ZNF207: variants seen among roughly 807,000 people sequenced by gnomAD.
The protein encoded by ZNF207 is zinc finger protein 207.
Under a neutral mutation model 60.2 loss-of-function variants are expected in ZNF207, and 24 were observed. That is an observed-to-expected ratio of 0.40 (90% confidence interval 0.29 to 0.56). The LOEUF (loss-of-function observed/expected upper bound fraction) is 0.56, where lower values mean the gene tolerates loss of function less well. Among genes scored for constraint, ZNF207 ranks in the 20% least tolerant of loss-of-function variants. The probability of loss-of-function intolerance (pLI) is 0.49; values close to 1 mark genes in which losing one functional copy is unlikely to be tolerated. For missense variants in ZNF207, 452 were observed against 636.6 expected (o/e 0.71, Z 3.12); for synonymous variants, 236 against 194.7 (o/e 1.21, Z -1.77).
chr17:32,367,213 T>C (rs1241900459), intron 9 of ZNF207, among the ~76,000 whole-genome samples: 1 of 136,870 alleles, frequency 7.3e-6, no homozygotes, highest in Non-Finnish European at 1.6e-5. Flanking sequence ...ATGATAATTA[T>C]CCAGCCATTG....
Position 32,371,335 on chromosome 17 carries a change from T to G in ZNF207, c.*1576T>G, listed in dbSNP as rs1905454742. 1 of 152,218 alleles carries G rather than the reference T, an allele frequency of 6.6e-6. No homozygotes were observed. The highest frequency in any genetic ancestry group is 2.4e-5 in the African/African-American group (1 of 41,444). 9.4% of individuals were successfully genotyped at this position (152,218 alleles called of 1,614,324 possible). ...GTTGTATGGAAAAAAGGGCTTTAACTTTGAAGGAAAATATATTGAAAAGTG... is the reference window on the plus strand; with the variant it reads ...GTTGTATGGAAAAAAGGGCTTTAACGTTGAAGGAAAATATATTGAAAAGTG... On this transcript the variant is annotated 3_prime_UTR_variant, in exon 12 of 12. Transcript: ENST00000394670.
At chr17:32,357,786 C>G (rs1171154047) in intron 2 of ZNF207, among the ~76,000 whole-genome samples, 1 of 152,038 alleles carries the variant, frequency 6.6e-6, no homozygotes, top group Non-Finnish European at 1.5e-5. Flanking sequence ...TGGGTGTGCA[C>G]CACCACGCCC....
rs951143978 is a variant in ZNF207 at position 32,381,797 on chromosome 17, G to A, written c.*12038G>A. On this transcript the variant is annotated 3_prime_UTR_variant, in exon 12 of 12. Transcript: ENST00000394670. Reference sequence around the variant, plus strand: ...CTTCTGCGTTATTAAGAGCCTCTTTGTTTGGAGGAGATGGTTATCTCCTTC... The same window carrying A: ...CTTCTGCGTTATTAAGAGCCTCTTTATTTGGAGGAGATGGTTATCTCCTTC... 1.4e-4 allele frequency: 21 copies of A among 152,278 alleles called. No individual in the cohort carries two copies. The highest frequency in any genetic ancestry group is 4.8e-4 in the African/African-American group (20 of 41,550). The allele number at this position is 152,278 out of a possible 1,614,324, so 9.4% of individuals were successfully genotyped here. A position where few individuals can be genotyped will look rare whatever the true frequency, so the allele number is the denominator to read the frequency against.
intron 2 of ZNF207, among the ~76,000 whole-genome samples, chr17:32,353,575 G>A (rs1162454180): frequency 1.3e-5 from 2 of 150,828 alleles, no homozygotes; most frequent in African/African-American, 2.4e-5. Context: ...TGAGGTCAGG[G>A]TTTCAAGACC....
Position 32,379,027 on chromosome 17 carries a change from T to A in ZNF207, c.*9268T>A, listed in dbSNP as rs1385970820. On this transcript the variant is annotated 3_prime_UTR_variant, in exon 12 of 12. Coordinates refer to ENST00000394670, the MANE Select transcript of ZNF207 (RefSeq NM_001098507.2). ...TGGAAATTGTGCATATTGCTAAATT[T>A]TAAAACATGGATTTATCAACTGATA... 6.6e-6 allele frequency: 1 copy of A among 152,130 alleles called. No homozygotes were observed. Among genetic ancestry groups the A allele is most frequent in the Non-Finnish European group, 1.5e-5 (1 of 67,944 alleles). 9.4% of individuals were successfully genotyped at this position (152,130 alleles called of 1,614,324 possible). A position where few individuals can be genotyped will look rare whatever the true frequency, so the allele number is the denominator to read the frequency against.
At chr17:32,358,421 A>T (rs1904672290) in intron 2 of ZNF207, 82 bp from the exon 3 acceptor site, 3 of 1,378,524 alleles carry the variant, frequency 2.2e-6, no homozygotes, top group Admixed American at 3.0e-5. Flanking sequence ...TAGAACATTT[A>T]TTCTTTATAC....
Position 32,358,574 on chromosome 17 carries a change from T to C in ZNF207, c.240T>C (p.Tyr80=). The C allele has an allele frequency of 1.9e-6, 3 of 1,564,154 alleles. No homozygotes were observed. Among genetic ancestry groups the C allele is most frequent in the Middle Eastern group, 1.7e-4 (1 of 5,954 alleles). Residue 80 remains tyrosine (Y), a synonymous_variant, in exon 3 of 12, where the codon TAT becomes TAC. Coordinates refer to ENST00000394670, the MANE Select transcript of ZNF207 (RefSeq NM_001098507.2). Reference sequence around the variant, plus strand: ...GAACAGACATAGAGTTGGAAATATATGGTATGGAAGGTATTCCAGAAAAAG... The same window carrying C: ...GAACAGACATAGAGTTGGAAATATACGGTATGGAAGGTATTCCAGAAAAAG... ...PGRTDIELEI[Y]GMEGIPEKDM...
rs1905245956 is a variant in ZNF207 at position 32,367,286 on chromosome 17, A to ATATAT, written c.922-486_922-485insTATAT. On this transcript the variant is annotated intron_variant, in intron 9 of 11. Transcript: ENST00000394670. ...ATATATATATATATATATATATATA[A>ATATAT]AGAATACTACTAAAGGATGTATTTT... is the stretch of plus-strand genomic sequence containing the variant. Among the ~76,000 whole-genome samples, 26 of 43,338 alleles carry ATATAT rather than the reference A, an allele frequency of 6.0e-4. 1 individual carries two copies. Among genetic ancestry groups the ATATAT allele is most frequent in the African/African-American group, 1.0e-3 (19 of 18,390 alleles). The allele number at this position is 43,338 out of a possible 152,430, so 28.4% of individuals were successfully genotyped here. A position where few individuals can be genotyped will look rare whatever the true frequency, so the allele number is the denominator to read the frequency against.
Position 32,380,626 on chromosome 17 carries a change from G to C in ZNF207, c.*10867G>C, listed in dbSNP as rs997939291. ...TTGTGCTCTTTCTGGAATATTAGAG[G>C]AATCAGTTAATAATAGTAAAGTGGT... On this transcript the variant is annotated 3_prime_UTR_variant, in exon 12 of 12. Coordinates refer to ENST00000394670, the MANE Select transcript of ZNF207 (RefSeq NM_001098507.2). 3.9e-5 allele frequency: 6 copies of C among 152,200 alleles called. No individual in the cohort carries two copies. The highest frequency in any genetic ancestry group is 1.2e-4 in the African/African-American group (5 of 41,450). 9.4% of individuals were successfully genotyped at this position (152,200 alleles called of 1,614,324 possible).
chr17:32,358,306 A>G (rs530669217), intron 2 of ZNF207, among the ~76,000 whole-genome samples, 197 bp from the exon 3 acceptor site: 2 of 152,226 alleles, frequency 1.3e-5, no homozygotes, highest in Non-Finnish European at 2.9e-5. Flanking sequence ...GAAGTTAGCT[A>G]TTATATAGGT....
At chr17:32,351,336 T>C in intron 1 of ZNF207, 4 of 610,414 alleles carry the variant, frequency 6.6e-6, no homozygotes, top group Non-Finnish European at 9.1e-6. Flanking sequence ...GTTCACCATA[T>C]AGTTACTCTT....
In ZNF207 at chr17:32,371,465, T is replaced by G. The variant is rs1438127446; in HGVS notation, c.*1706T>G. Reference sequence around the variant, plus strand: ...AAGCTGAATGCTATTTTAACTCACATTGGCTGGGTGCAGTGGCTCACGCCT... The same window carrying G: ...AAGCTGAATGCTATTTTAACTCACAGTGGCTGGGTGCAGTGGCTCACGCCT... On this transcript the variant is annotated 3_prime_UTR_variant, in exon 12 of 12. Transcript: ENST00000394670. 9.4e-6 allele frequency: 1 copy of G among 105,940 alleles called. No individual in the cohort carries two copies. The allele number at this position is 105,940 out of a possible 1,614,324, so 6.6% of individuals were successfully genotyped here. A position where few individuals can be genotyped will look rare whatever the true frequency, so the allele number is the denominator to read the frequency against.
intron 2 of ZNF207, among the ~76,000 whole-genome samples, chr17:32,352,579 A>G (rs1352371486): frequency 6.6e-6 from 1 of 152,200 alleles, no homozygotes; most frequent in Non-Finnish European, 1.5e-5. Context: ...AAGAATTAAT[A>G]CTTAATTAGC....
chr17:32,373,237 G>A lies in ZNF207; in HGVS notation c.*3478G>A. 1 of 457,782 alleles carries A rather than the reference G, an allele frequency of 2.2e-6. No individual in the cohort carries two copies. Among genetic ancestry groups the A allele is most frequent in the Non-Finnish European group, 3.9e-6 (1 of 256,504 alleles). 28.4% of individuals were successfully genotyped at this position (457,782 alleles called of 1,614,324 possible). ...GAGGGGGATTCCCCAACAAAAAGAA[G>A]TACGGGCTCAGAGTGGAATTGTAGT... On this transcript the variant is annotated 3_prime_UTR_variant, in exon 12 of 12. Coordinates refer to ENST00000394670, the MANE Select transcript of ZNF207 (RefSeq NM_001098507.2).
rs1905662014 is a variant in ZNF207, at chr17:32,375,986, AT to A, written c.*6230del. 1 of 152,078 alleles carries A rather than the reference AT, an allele frequency of 6.6e-6. No individual in the cohort carries two copies. Among genetic ancestry groups the A allele is most frequent in the African/African-American group, 2.4e-5 (1 of 41,444 alleles). 9.4% of individuals were successfully genotyped at this position (152,078 alleles called of 1,614,324 possible). A position where few individuals can be genotyped will look rare whatever the true frequency, so the allele number is the denominator to read the frequency against. On this transcript the variant is annotated 3_prime_UTR_variant, in exon 12 of 12. Transcript: ENST00000394670. ...GTATTTTAATTTCTGTCATTGAATC[AT>A]TTAAATAATAACCTTTTGTTTTTAT... is the stretch of plus-strand genomic sequence containing the variant.
Position 32,381,164 on chromosome 17 carries a change from G to A in ZNF207, c.*11405G>A, listed in dbSNP as rs1013049161. 1 of 152,082 alleles carries A rather than the reference G, an allele frequency of 6.6e-6. No individual in the cohort carries two copies. Among genetic ancestry groups the A allele is most frequent in the Non-Finnish European group, 1.5e-5 (1 of 68,014 alleles). 9.4% of individuals were successfully genotyped at this position (152,082 alleles called of 1,614,324 possible). On this transcript the variant is annotated 3_prime_UTR_variant, in exon 12 of 12. Transcript: ENST00000394670. The stretch of plus-strand genomic sequence containing the variant: ...AGAGTAAGCATTATTTTATGAAGTG[G>A]TACAAGATTGCAAAGGTTAGTAAAG...
Position 32,351,801 on chromosome 17 carries a change from T to G in ZNF207, c.57T>G (p.Asp19Glu), listed in dbSNP as rs1160278419. 1.9e-6 allele frequency: 3 copies of G among 1,610,126 alleles called. No homozygotes were observed. The highest frequency in any genetic ancestry group is 2.5e-6 in the Non-Finnish European group (3 of 1,177,922). ...TATTGATCAGGTATTGTAATAGAGA[T>G]TTTGATGATGAGAAGATCCTTATTC... ...LKPWCWYCNR[D>E]FDDEKILIQH... Residue 19 changes from aspartate (D) to glutamate (E), a missense_variant, in exon 2 of 12, where the codon GAT becomes GAG. Asp to Glu is a conservative substitution (Grantham distance 45, BLOSUM62 2). Coordinates refer to ENST00000394670, the MANE Select transcript of ZNF207 (RefSeq NM_001098507.2).
At chr17:32,353,985 A>G (rs953414956) in intron 2 of ZNF207, among the ~76,000 whole-genome samples, 5 of 152,014 alleles carry the variant, frequency 3.3e-5, no homozygotes, top group African/African-American at 4.8e-5. Flanking sequence ...GGATAAGAAC[A>G]TTTTGTTTTG....
rs890717125 is a variant in ZNF207 at position 32,376,896 on chromosome 17, G to T, written c.*7137G>T. 1 of 152,020 alleles carries T rather than the reference G, an allele frequency of 6.6e-6. No individual in the cohort carries two copies. Among genetic ancestry groups the T allele is most frequent in the Non-Finnish European group, 1.5e-5 (1 of 67,894 alleles). The allele number at this position is 152,020 out of a possible 1,614,324, so 9.4% of individuals were successfully genotyped here. A position where few individuals can be genotyped will look rare whatever the true frequency, so the allele number is the denominator to read the frequency against. Reference sequence around the variant, plus strand: ...AGTAATCTGGCACAGCTTCAGTAATGTGTGCTGTGTTTGTAAAAAGGTGAA... The same window carrying T: ...AGTAATCTGGCACAGCTTCAGTAATTTGTGCTGTGTTTGTAAAAAGGTGAA... On this transcript the variant is annotated 3_prime_UTR_variant, in exon 12 of 12. Coordinates refer to ENST00000394670, the MANE Select transcript of ZNF207 (RefSeq NM_001098507.2).
Sources: gnomAD v4.1 joint callset for allele counts (sites outside exome capture counted in the v4.1 genomes callset) on GRCh38, gnomAD v4.1.1 for gene constraint, MANE v1.5 for transcripts, NCBI Gene and HGNC (gene_info 2026-07-23, HGNC 2026-07-21) for gene names.